CTNNA2: variants seen among roughly 807,000 people sequenced by gnomAD.
CTNNA2 encodes the protein catenin alpha 2.
CTNNA2 carries 42 observed loss-of-function variants against 101.0 expected under a neutral mutation model. The observed-to-expected ratio is 0.42, with a 90% CI of 0.32 to 0.54. The LOEUF is 0.54. Ranked by LOEUF, CTNNA2 falls within the 20% of genes least tolerant of loss-of-function variation. The pLI, the probability that CTNNA2 is intolerant of heterozygous loss-of-function variation, is 0.14. For synonymous variants in CTNNA2, 450 were observed against 456.4 expected, an observed-to-expected ratio of 0.99 and a Z score of 0.18; for missense variants, 871 against 1,223.1, an observed-to-expected ratio of 0.71 and a Z score of 4.29.
chr2:80,372,975 A>C (rs1382520159), intron 7 of CTNNA2, among the ~76,000 whole-genome samples: 1 of 152,202 alleles, frequency 6.6e-6, no homozygotes. Context: ...CACAACAAAG[A>C]ATTATCCAGC....
At chr2:79,793,889 C>CAA (rs1491439028) in intron 3 of CTNNA2, among the ~76,000 whole-genome samples, 6 of 30,130 alleles carry the variant, frequency 2.0e-4, no homozygotes, top group Admixed American at 3.8e-4. Context: ...CACACTCATG[C>CAA]ACACACACAC....
chr2:80,402,452 C>T (rs1343098269), intron 8 of CTNNA2, among the ~76,000 whole-genome samples: 1 of 152,086 alleles, frequency 6.6e-6, no homozygotes, highest in Non-Finnish European at 1.5e-5. Flanking sequence ...GTTGGTTTCC[C>T]TTGCAAACAG....
intron 3 of CTNNA2, among the ~76,000 whole-genome samples, chr2:79,832,617 G>GCAAGGT (rs1367923276): frequency 3.3e-5 from 5 of 152,040 alleles, no homozygotes; most frequent in African/African-American, 1.2e-4. Flanking sequence ...GCTTTGTTTT[G>GCAAGGT]CTGCAAGAGA....
At chr2:80,163,162 C>G (rs901461378) in intron 7 of CTNNA2, 112 of 1,488,738 alleles carry the variant, frequency 7.5e-5, no homozygotes, top group Admixed American at 1.7e-5. Flanking sequence ...GGTGGAAAAC[C>G]TCGAAAAGGA....
chr2:79,994,575 C>T (rs959261792), intron 7 of CTNNA2, among the ~76,000 whole-genome samples: 5 of 151,032 alleles, frequency 3.3e-5, no homozygotes, highest in Admixed American at 2.6e-4. Context: ...GCTAGGTTTT[C>T]TTCTGTTTCA....
chr2:80,592,018 G>T (rs1261207080), intron 15 of CTNNA2, among the ~76,000 whole-genome samples: 1 of 152,092 alleles, frequency 6.6e-6, no homozygotes, highest in Non-Finnish European at 1.5e-5. Context: ...ATCGCATGTT[G>T]CTAGTCTTGT....
chr2:79,606,058 A>C (rs1423371381), intron 1 of CTNNA2, among the ~76,000 whole-genome samples: 1 of 152,210 alleles, frequency 6.6e-6, no homozygotes, highest in East Asian at 1.9e-4. Context: ...AGGAAACATA[A>C]AGCATTTTCC....
chr2:79,471,591 C>A (rs1670999779), intron 4 of CTNNA2, among the ~76,000 whole-genome samples: 1 of 152,122 alleles, frequency 6.6e-6, no homozygotes, highest in South Asian at 2.1e-4. Flanking sequence ...GCAATCCCAG[C>A]ACTTTGGGAG....
At chr2:79,528,054 C>G (rs192998703) in intron 1 of CTNNA2, among the ~76,000 whole-genome samples, 1 of 152,248 alleles carries the variant, frequency 6.6e-6, no homozygotes, top group Admixed American at 6.6e-5. Flanking sequence ...GAAAGAAAGC[C>G]AGACACAAAA....
chr2:80,643,319 C>CA (rs1673690512), intron 18 of CTNNA2, among the ~76,000 whole-genome samples: 1 of 152,020 alleles, frequency 6.6e-6, no homozygotes, highest in Non-Finnish European at 1.5e-5. Context: ...CACATGTTAG[C>CA]AGTGTGATAA....
rs553816012 is a variant in CTNNA2 at position 80,566,581 on chromosome 2, C to T, written c.1742-7582C>T. Reference sequence around the variant, plus strand: ...AATGCTGGTATAATAGCCCTATTACCTTGTGCAGTGGCATTTAGAGCACAA... The same window carrying T: ...AATGCTGGTATAATAGCCCTATTACTTTGTGCAGTGGCATTTAGAGCACAA... On this transcript the variant is annotated intron_variant, in intron 12 of 18. Transcript: ENST00000402739. Among the ~76,000 whole-genome samples the T allele has an allele frequency of 3.3e-5, 5 of 152,264 alleles. No individual in the cohort carries two copies. The East Asian group carries it at 9.7e-4, about 29-fold the overall frequency.
intron 2 of CTNNA2, among the ~76,000 whole-genome samples, chr2:79,238,132 T>G (rs990283146): frequency 6.6e-6 from 1 of 152,192 alleles, no homozygotes; most frequent in East Asian, 1.9e-4. Flanking sequence ...AATCTGTGAC[T>G]CTTCCTTTCA....
chr2:79,512,058 T>G (rs1047901945), upstream of CTNNA2, among the ~76,000 whole-genome samples: 48 of 152,192 alleles, frequency 3.2e-4, no homozygotes, highest in African/African-American at 1.1e-3. Flanking sequence ...TAACTTATAT[T>G]TCTCATCTGA....
At chr2:79,729,211 C>G (rs1687053537) in intron 2 of CTNNA2, among the ~76,000 whole-genome samples, 1 of 152,082 alleles carries the variant, frequency 6.6e-6, no homozygotes, top group African/African-American at 2.4e-5. Flanking sequence ...TTATTCTGAC[C>G]TCATGTCCGG....
At chr2:79,463,850 C>T (rs1047594622) in intron 4 of CTNNA2, among the ~76,000 whole-genome samples, 1 of 152,122 alleles carries the variant, frequency 6.6e-6, no homozygotes, top group African/African-American at 2.4e-5. Flanking sequence ...TATTAAGAGG[C>T]AATTCTCTTG....
intron 2 of CTNNA2, among the ~76,000 whole-genome samples, chr2:79,731,742 C>T (rs1048908211): frequency 6.6e-6 from 1 of 151,978 alleles, no homozygotes; most frequent in African/African-American, 2.4e-5. Flanking sequence ...GATGATCAGA[C>T]ATTTGAGATA....
intron 1 of CTNNA2, among the ~76,000 whole-genome samples, chr2:79,187,371 G>A (rs1673795134): frequency 1.3e-5 from 2 of 148,698 alleles, no homozygotes; most frequent in Admixed American, 1.4e-4. Context: ...CCAGGTTCAA[G>A]CAATTCAGTG....
At chr2:79,935,462 G>T (rs1231553737) in intron 7 of CTNNA2, among the ~76,000 whole-genome samples, 4 of 151,292 alleles carry the variant, frequency 2.6e-5, no homozygotes, top group Admixed American at 1.3e-4. Context: ...TTAACATTTT[G>T]CCCTATTTTT....
At chr2:79,270,846 C>T (rs1391357253) in intron 2 of CTNNA2, among the ~76,000 whole-genome samples, 3 of 151,940 alleles carry the variant, frequency 2.0e-5, no homozygotes, top group Non-Finnish European at 2.9e-5. Context: ...TCTCACCCTA[C>T]CTTTCCCTCT....
Sources: allele counts gnomAD v4.1 joint callset (sites outside exome capture counted in the v4.1 genomes callset), GRCh38; gene constraint gnomAD v4.1.1; transcripts MANE v1.5; gene names NCBI Gene and HGNC (gene_info 2026-07-23, HGNC 2026-07-21).